CNTN5: variants seen among roughly 807,000 people sequenced by gnomAD.
The protein encoded by CNTN5 is contactin 5, also known as contactin-5.
Under a neutral mutation model 129.1 loss-of-function variants are expected in CNTN5, and 77 were observed. The ratio of observed to expected loss-of-function variants is 0.60; its 90% CI spans 0.50 to 0.72. The LOEUF is 0.72. CNTN5 is among the 30% of genes least tolerant of loss of function. CNTN5 has a pLI of 0.00. For synonymous variants in CNTN5, 509 were observed against 465.6 expected (o/e 1.09, Z -1.20); for missense variants, 1,478 against 1,328.8 (o/e 1.11, Z -1.75).
At chr11:99,621,517 A>G (rs1950949996) in intron 3 of CNTN5, among the ~76,000 whole-genome samples, 2 of 143,032 alleles carry the variant, frequency 1.4e-5, no homozygotes, top group Admixed American at 1.5e-4. Flanking sequence ...AGAATAATAT[A>G]TCTTTATAAT....
At chr11:99,901,186 C>T (rs1169620944) in intron 6 of CNTN5, among the ~76,000 whole-genome samples, 1 of 152,208 alleles carries the variant, frequency 6.6e-6, no homozygotes, top group African/African-American at 2.4e-5. Context: ...CTATCATCAT[C>T]ACCATCTTGT....
In CNTN5 at chr11:99,982,886, C is replaced by T. The variant is rs149338134; in HGVS notation, c.878-19148C>T. 2.4e-3 allele frequency among the ~76,000 whole-genome samples: 365 copies of T among 152,204 alleles called. 3 individuals are homozygous for T. The East Asian group carries it at 0.029, about 12-fold the overall frequency. The stretch of plus-strand genomic sequence containing the variant: ...TCGATCTCCTGACCTCATGATCCGC[C>T]CACCTCGGCCTCCCAAAGTGCTGGG... On this transcript the variant is annotated intron_variant, in intron 8 of 24. Transcript: ENST00000524871.
At chr11:99,583,446 G>A (rs1189516179) in intron 3 of CNTN5, among the ~76,000 whole-genome samples, 1 of 152,204 alleles carries the variant, frequency 6.6e-6, no homozygotes. Context: ...AGGCAGGCAG[G>A]CCTCCTTGAG....
At chr11:99,692,754 A>G (rs1591487962) in intron 3 of CNTN5, among the ~76,000 whole-genome samples, 2 of 152,226 alleles carry the variant, frequency 1.3e-5, no homozygotes, top group East Asian at 3.9e-4. Context: ...ACAAATGCGT[A>G]TTTTAAGTGT....
intron 3 of CNTN5, among the ~76,000 whole-genome samples, chr11:99,800,069 T>C: frequency 7.4e-6 from 1 of 134,422 alleles, no homozygotes; most frequent in Admixed American, 7.0e-5. Flanking sequence ...ATTGTTTCTG[T>C]TTTTTTCTAA....
intron 2 of CNTN5, among the ~76,000 whole-genome samples, chr11:99,441,999 A>G (rs1022924004): frequency 6.6e-6 from 1 of 152,142 alleles, no homozygotes; most frequent in Non-Finnish European, 1.5e-5. Flanking sequence ...TCTCTCCATT[A>G]AATCCTGAGT....
At chr11:99,289,750 A>G (rs549430008) in intron 1 of CNTN5, among the ~76,000 whole-genome samples, 8 of 151,854 alleles carry the variant, frequency 5.3e-5, no homozygotes, top group Admixed American at 5.3e-4. Context: ...TCATTGTAAA[A>G]TATTTATTTT....
At chr11:99,557,144 A>G (rs955521414) in intron 3 of CNTN5, among the ~76,000 whole-genome samples, 4 of 151,216 alleles carry the variant, frequency 2.6e-5, no homozygotes, top group African/African-American at 7.2e-5. Context: ...TTTTAAACAC[A>G]TTTTTAATGT....
At chr11:99,955,738 T>A (rs981118129) in intron 7 of CNTN5, among the ~76,000 whole-genome samples, 35 of 151,774 alleles carry the variant, frequency 2.3e-4, no homozygotes, top group Non-Finnish European at 4.4e-4. Flanking sequence ...TTTTTTTTTT[T>A]AATTTTTAGT....
rs368485741 is a variant in CNTN5, at chr11:99,593,986, T to G, written c.55+37717T>G. On this transcript the variant is annotated intron_variant, in intron 3 of 24. Transcript: ENST00000524871. ...TCTTTTATATACAGAGATTGTGGTG[T>G]TGTTAGGGATTTTTCCCTCTTTAGA... Among the ~76,000 whole-genome samples, 328 of 152,316 alleles carry G rather than the reference T, an allele frequency of 2.2e-3. 18 individuals carry two copies. The South Asian group carries it at 0.063, about 29-fold the overall frequency.
rs909461929 is a variant in CNTN5 at position 99,845,160 on chromosome 11, A to G, written c.475A>G (p.Ile159Val). 1.2e-6 allele frequency: 2 copies of G among 1,613,808 alleles called. No individual in the cohort carries two copies. The highest frequency in any genetic ancestry group is 1.7e-4 in the Middle Eastern group (1 of 6,060). Residue 159 changes from isoleucine (I) to valine (V), a missense_variant, in exon 6 of 25, where the codon ATA becomes GTA. Ile to Val is a conservative substitution (Grantham distance 29, BLOSUM62 3). Transcript: ENST00000524871. Reference sequence around the variant, plus strand: ...CAGTTTGATAGATGGCACCTTCATTATAAGCAATCCAAGTGAAGCAAAGGA... The same window carrying G: ...CAGTTTGATAGATGGCACCTTCATTGTAAGCAATCCAAGTGAAGCAAAGGA... Reference protein sequence around the residue: ...RYSLIDGTFIISNPSEAKDSG... With the variant: ...RYSLIDGTFIVSNPSEAKDSG...
intron 1 of CNTN5, among the ~76,000 whole-genome samples, chr11:99,138,596 T>A (rs1859354482): frequency 6.6e-6 from 1 of 152,216 alleles, no homozygotes; most frequent in Admixed American, 6.5e-5. Flanking sequence ...TTTATCTTAA[T>A]TAATCGATTA....
At chr11:99,748,827 T>A (rs1317649991) in intron 3 of CNTN5, among the ~76,000 whole-genome samples, 1 of 152,238 alleles carries the variant, frequency 6.6e-6, no homozygotes, top group Non-Finnish European at 1.5e-5. Context: ...AAGGCAAATC[T>A]TCTTTACTCA....
rs1414866690 is a variant in CNTN5, at chr11:100,299,374, G to A, written c.2598G>A (p.Val866=). The A allele has an allele frequency of 6.2e-7, 1 of 1,606,810 alleles. No individual in the cohort carries two copies. Among genetic ancestry groups the A allele is most frequent in the African/African-American group, 1.3e-5 (1 of 74,384 alleles). The part of the protein sequence containing the change: ...NKGDGPFSQI[V]VICSAEGEPS... ...GAGATGGGCCTTTTAGTCAAATTGT[G>A]GTCATCTGTTCAGCTGAAGGAGGTC... is the stretch of plus-strand genomic sequence containing the variant. Residue 866 remains valine, a synonymous_variant, in exon 20 of 25, where the codon GTG becomes GTA. Coordinates refer to ENST00000524871, the MANE Select transcript of CNTN5 (RefSeq NM_014361.4).
At chr11:99,150,395 A>T (rs1859997671) in intron 1 of CNTN5, among the ~76,000 whole-genome samples, 1 of 152,048 alleles carries the variant, frequency 6.6e-6, no homozygotes, top group African/African-American at 2.4e-5. Flanking sequence ...GAAGATTCTC[A>T]TAGAAGTAAA....
intron 7 of CNTN5, among the ~76,000 whole-genome samples, chr11:99,939,863 G>A (rs1950396103): frequency 6.6e-6 from 1 of 152,062 alleles, no homozygotes; most frequent in Non-Finnish European, 1.5e-5. Context: ...TCATGAAGGA[G>A]GTATTGTGTT....
At chr11:99,384,557 T>G (rs895712858) in intron 2 of CNTN5, among the ~76,000 whole-genome samples, 1 of 152,128 alleles carries the variant, frequency 6.6e-6, no homozygotes, top group Non-Finnish European at 1.5e-5. Flanking sequence ...GTCCGTGGTG[T>G]TTGTTGACAA....
chr11:99,383,334 G>A lies in CNTN5; in HGVS notation c.-71+57850G>A, dbSNP rs866326591. ...TGACAGACTGGTCCCATATGTCTAT[G>A]GTTATGTGATGAACAGAAGAAAAAG... is the stretch of plus-strand genomic sequence containing the variant. On this transcript the variant is annotated intron_variant, in intron 2 of 24. Coordinates refer to ENST00000524871, the MANE Select transcript of CNTN5 (RefSeq NM_014361.4). Among the ~76,000 whole-genome samples the A allele has an allele frequency of 7.6e-4, 115 of 152,206 alleles. 1 individual carries two copies. Among genetic ancestry groups the A allele is most frequent in the African/African-American group, 2.6e-3 (110 of 41,536 alleles).
At chr11:100,153,428 T>C (rs560547105) in intron 13 of CNTN5, among the ~76,000 whole-genome samples, 1 of 152,216 alleles carries the variant, frequency 6.6e-6, no homozygotes, top group Admixed American at 6.6e-5. Flanking sequence ...GAAAATTCCC[T>C]TTCATCAAAT....
Sources: allele counts gnomAD v4.1 joint callset (sites outside exome capture counted in the v4.1 genomes callset), GRCh38; gene constraint gnomAD v4.1.1; transcripts MANE v1.5; gene names NCBI Gene and HGNC (gene_info 2026-07-23, HGNC 2026-07-21).